The following GBA2 variants were observed in gnomAD, a reference collection of about 807,000 sequenced individuals.
The protein encoded by GBA2 is glucosylceramidase beta 2.
Under a neutral mutation model 112.9 loss-of-function variants are expected in GBA2, and 79 were observed. That is an observed-to-expected ratio of 0.70 (90% CI 0.58 to 0.84). GBA2 has a LOEUF of 0.84. Ranked by LOEUF, GBA2 falls within the 40% of genes least tolerant of loss-of-function variation. The pLI is 0.00. For synonymous variants in GBA2, 403 were observed against 434.3 expected, an observed-to-expected ratio of 0.93 and a Z score of 0.90; for missense variants, 1,043 against 1,190.0, an observed-to-expected ratio of 0.88 and a Z score of 1.82.
intron 15 of GBA2, 26 bp downstream of exon 15, chr9:35,738,011 T>G (rs1235682578): frequency 6.3e-7 from 1 of 1,594,764 alleles, no homozygotes. Context: ...CATTTTTCTC[T>G]CTGGCTGCTC....
At position 35,740,469 on chromosome 9, in the gene GBA2, G is replaced by A; in HGVS notation, c.1129+57C>T. 1 of 1,569,168 alleles carries A rather than the reference G, an allele frequency of 6.4e-7. No individual in the cohort carries two copies. Among genetic ancestry groups the A allele is most frequent in the South Asian group, 1.1e-5 (1 of 89,352 alleles). ...CTTATTACCAGGCCTCCCACCCCTGGTCCCAAGACAGGGACAACCTCTCTT... is the reference window on the plus strand; with the variant it reads ...CTTATTACCAGGCCTCCCACCCCTGATCCCAAGACAGGGACAACCTCTCTT... On this transcript the variant is annotated intron_variant, in intron 6 of 16. Transcript: ENST00000378103. The surrounding 1 kb of genome is among the most constrained non-coding windows in gnomAD (Gnocchi z 4.7).
intron 3 of GBA2, 100 bp downstream of exon 3, chr9:35,744,197 C>T: frequency 1.4e-6 from 1 of 726,050 alleles, no homozygotes; most frequent in Non-Finnish European, 2.5e-6. Flanking sequence ...TAGATTGAAT[C>T]TTATTCACAT....
At chr9:35,738,969 G>A (rs759555580) in intron 11 of GBA2, 33 bp downstream of exon 11, 1 of 1,607,020 alleles carries the variant, frequency 6.2e-7, no homozygotes, top group African/African-American at 1.3e-5. Context: ...CAAAAGTTGA[G>A]GGAGGGAAGC....
In GBA2 at chr9:35,737,025, C is replaced by T. The variant is rs1826246889; in HGVS notation, c.*144G>A. The T allele has an allele frequency of 1.6e-6, 2 of 1,288,110 alleles. No homozygotes were observed. Among genetic ancestry groups the T allele is most frequent in the East Asian group, 4.8e-5 (2 of 42,066 alleles). The allele number at this position is 1,288,110 out of a possible 1,614,324, so 79.8% of individuals were successfully genotyped here. Reference sequence around the variant, plus strand: ...TGCTGCCTAGGTCACCCTCAACCCCCATTTACTGGCACAATTGGGTGGAGA... The same window carrying T: ...TGCTGCCTAGGTCACCCTCAACCCCTATTTACTGGCACAATTGGGTGGAGA... On this transcript the variant is annotated 3_prime_UTR_variant, in exon 17 of 17. Coordinates refer to ENST00000378103, the MANE Select transcript of GBA2 (RefSeq NM_020944.3). This position sits in a 1 kb window ranked among gnomAD's most constrained non-coding sequence, Gnocchi z 4.1.
rs756428994 is a variant in GBA2, at chr9:35,737,745, T to C, written c.2505+3A>G. 1.2e-6 allele frequency: 2 copies of C among 1,613,420 alleles called. No individual in the cohort carries two copies. Among genetic ancestry groups the C allele is most frequent in the Non-Finnish European group, 1.7e-6 (2 of 1,179,402 alleles). The stretch of plus-strand genomic sequence containing the variant: ...TGGAGAGATGGGAAAAGGAGTGCAT[T>C]ACCTCTTGGATCATGGTAGCTGCCA... On this transcript the variant is annotated splice_donor_region_variant and intron_variant, in intron 16 of 16. Transcript: ENST00000378103. The surrounding 1 kb of genome is among the most constrained non-coding windows in gnomAD (Gnocchi z 4.1).
intron 1 of GBA2, among the ~76,000 whole-genome samples, chr9:35,747,134 G>C (rs550829420): frequency 1.3e-5 from 2 of 152,192 alleles, no homozygotes; most frequent in South Asian, 4.2e-4. Flanking sequence ...CAAAAGCCTT[G>C]TATCAGTACC....
At chr9:35,738,960 A>C (rs751630748) in intron 11 of GBA2, 42 bp downstream of exon 11, 46 of 1,608,982 alleles carry the variant, frequency 2.9e-5, no homozygotes, top group Non-Finnish European at 3.8e-5. Context: ...TAGAGGGTGC[A>C]AAAGTTGAGG....
At chr9:35,747,485 T>TCTCCC (rs1055395112) in intron 1 of GBA2, among the ~76,000 whole-genome samples, 2 of 152,094 alleles carry the variant, frequency 1.3e-5, no homozygotes, top group Non-Finnish European at 2.9e-5. Context: ...AGATAACTGA[T>TCTCCC]CTCCCCATCA....
At position 35,737,444 on chromosome 9, in the gene GBA2, G is replaced by C. The variant is rs1161820297; in HGVS notation, c.2509C>G (p.Leu837Val). ...GLAATMIQEG[L>V]TWEGFQTAEG... ...GCTGTCTGGAAGCCCTCCCAAGTCA[G>C]GCCCTGTTGGGAGAGATGACAGTCA... The change falls in exon 17 of 17, where the codon CTG (leucine) becomes GTG (valine). Residue 837 changes from leucine to valine, a missense_variant. Coordinates refer to ENST00000378103, the MANE Select transcript of GBA2 (RefSeq NM_020944.3). This position sits in a 1 kb window ranked among gnomAD's most constrained non-coding sequence, Gnocchi z 4.1. 1.9e-6 allele frequency: 3 copies of C among 1,613,522 alleles called. No individual in the cohort carries two copies. Among genetic ancestry groups the C allele is most frequent in the Admixed American group, 1.7e-5 (1 of 59,918 alleles).
At position 35,739,536 on chromosome 9, in the gene GBA2, C is replaced by G. The variant is rs548706029; in HGVS notation, c.1582+92G>C. The stretch of plus-strand genomic sequence containing the variant: ...ATTGTTACTAGTCCACACCCAACAC[C>G]CCCTCATCCTAACCAATACCCTGGG... On this transcript the variant is annotated intron_variant, in intron 9 of 16. Transcript: ENST00000378103. 7.2e-5 allele frequency: 96 copies of G among 1,331,450 alleles called. 1 individual carries two copies. In the South Asian group the frequency reaches 1.1e-3, roughly 15 times the overall value. The allele number at this position is 1,331,450 out of a possible 1,614,324, so 82.5% of individuals were successfully genotyped here.
rs369520290 is a variant in GBA2 at position 35,740,906 on chromosome 9, G to A, written c.945C>T (p.Ser315=). 1.1e-5 allele frequency: 18 copies of A among 1,613,772 alleles called. No homozygotes were observed. The highest frequency in any genetic ancestry group is 4.0e-5 in the African/African-American group (3 of 74,950). ...LWNEPFCLER[S]GETVRGLLLH... is the part of the protein sequence containing the mutation. ...GGAGCAGCCCCCGGACAGTTTCCCC[G>A]CTACGCTCCAGACAGAAGGGCTCAT... is the stretch of plus-strand genomic sequence containing the variant. The change falls in exon 5 of 17, where the codon AGC becomes AGT. Residue 315 remains serine (S), a synonymous_variant. Transcript: ENST00000378103. This position sits in a 1 kb window ranked among gnomAD's most constrained non-coding sequence, Gnocchi z 4.7.
At position 35,737,219 on chromosome 9, in the gene GBA2, C is replaced by G; in HGVS notation, c.2734G>C (p.Gly912Arg). The change falls in exon 17 of 17, where the codon GGG (glycine) becomes CGG (arginine). Residue 912 changes from glycine (G) to arginine (R), a missense_variant. Transcript: ENST00000378103. The surrounding 1 kb of genome is among the most constrained non-coding windows in gnomAD (Gnocchi z 4.1). ...KVKQGTGLRTGPMFGPKEAMA... is the reference protein window; with the variant it reads ...KVKQGTGLRTRPMFGPKEAMA... Reference sequence around the variant, plus strand: ...GCTTCCTTTGGTCCAAACATAGGCCCTGTCCTTAGTCCTGTGCCCTGTTTG... The same window carrying G: ...GCTTCCTTTGGTCCAAACATAGGCCGTGTCCTTAGTCCTGTGCCCTGTTTG... 3.1e-6 allele frequency: 5 copies of G among 1,612,698 alleles called. No individual in the cohort carries two copies. Among genetic ancestry groups the G allele is most frequent in the Non-Finnish European group, 4.2e-6 (5 of 1,179,996 alleles).
At chr9:35,739,458 T>G in intron 9 of GBA2, 39 bp from the exon 10 acceptor site, 2 of 1,485,696 alleles carry the variant, frequency 1.3e-6, no homozygotes, top group Non-Finnish European at 1.9e-6. Context: ...CCAGAATTCC[T>G]GCTTCCCCTT....
chr9:35,748,824 T>C lies in GBA2; in HGVS notation c.-120A>G. 1.5e-6 allele frequency: 1 copy of C among 657,270 alleles called. No homozygotes were observed. Among genetic ancestry groups the C allele is most frequent in the Non-Finnish European group, 2.6e-6 (1 of 379,172 alleles). 40.7% of individuals were successfully genotyped at this position (657,270 alleles called of 1,614,324 possible). Reference sequence around the variant, plus strand: ...GGAGGGCCGGGCGTTGGGGAAAGCTTAAATGAGCTGGTGTTTCAGTGGAGC... The same window carrying C: ...GGAGGGCCGGGCGTTGGGGAAAGCTCAAATGAGCTGGTGTTTCAGTGGAGC... On this transcript the variant is annotated 5_prime_UTR_variant, in exon 1 of 17. Coordinates refer to ENST00000378103, the MANE Select transcript of GBA2 (RefSeq NM_020944.3).
At position 35,748,914 on chromosome 9, in the gene GBA2, T is replaced by A. The variant is rs1242259132; in HGVS notation, c.-210A>T. 2.0e-6 allele frequency: 1 copy of A among 488,548 alleles called. No homozygotes were observed. The highest frequency in any genetic ancestry group is 3.6e-6 in the Non-Finnish European group (1 of 276,740). The allele number at this position is 488,548 out of a possible 1,614,324, so 30.3% of individuals were successfully genotyped here. ...AAGCCGCCTTGGGCTCTCCTTCGGTTGTCTCTGTAGGTCCTGGACGGGAAG... is the reference window on the plus strand; with the variant it reads ...AAGCCGCCTTGGGCTCTCCTTCGGTAGTCTCTGTAGGTCCTGGACGGGAAG... On this transcript the variant is annotated 5_prime_UTR_variant, in exon 1 of 17. Coordinates refer to ENST00000378103, the MANE Select transcript of GBA2 (RefSeq NM_020944.3).
At chr9:35,742,881 A>C (rs371292711) in intron 3 of GBA2, among the ~76,000 whole-genome samples, 140 of 152,306 alleles carry the variant, frequency 9.2e-4, no homozygotes, top group African/African-American at 3.3e-3. Context: ...TGGGCTCTCC[A>C]TATCTGTGAG....
rs572827451 is a variant in GBA2, at chr9:35,740,682, G to A, written c.1027-54C>T. 8.5e-6 allele frequency: 13 copies of A among 1,527,642 alleles called. No individual in the cohort carries two copies. The highest frequency in any genetic ancestry group is 5.5e-5 in the African/African-American group (4 of 73,268). 94.6% of individuals were successfully genotyped at this position (1,527,642 alleles called of 1,614,324 possible). A position where few individuals can be genotyped will look rare whatever the true frequency, so the allele number is the denominator to read the frequency against. On this transcript the variant is annotated intron_variant, in intron 5 of 16. Transcript: ENST00000378103. The surrounding 1 kb of genome is among the most constrained non-coding windows in gnomAD (Gnocchi z 4.7). ...AGGCTCCACGAGTACACTGGGTCCCGGCTAGCTCCCCAGCTCCTCTTACTT... is the reference window on the plus strand; with the variant it reads ...AGGCTCCACGAGTACACTGGGTCCCAGCTAGCTCCCCAGCTCCTCTTACTT...
Position 35,748,251 on chromosome 9 carries a change from C to G in GBA2, c.359+95G>C, listed in dbSNP as rs1056617987. ...GGGACCGCTTCACTCAGACAAGAAG[C>G]CCAACTGCTTTCTTGCCCTTTCCCA... On this transcript the variant is annotated intron_variant, in intron 1 of 16. Coordinates refer to ENST00000378103, the MANE Select transcript of GBA2 (RefSeq NM_020944.3). 5 of 777,924 alleles carry G rather than the reference C, an allele frequency of 6.4e-6. No individual in the cohort carries two copies. The Admixed American group carries it at 1.2e-4, about 18-fold the overall frequency. The allele number at this position is 777,924 out of a possible 1,614,324, so 48.2% of individuals were successfully genotyped here. A position where few individuals can be genotyped will look rare whatever the true frequency, so the allele number is the denominator to read the frequency against.
chr9:35,740,234 C>T lies in GBA2; in HGVS notation c.1258G>A (p.Gly420Arg), dbSNP rs961026469. ...LAWDMPRIMF[G>R]AKGQVHYRRY... ...CTGTAGTGGACTTGGCCTTTAGCTC[C>T]AAACATGATCCTGGGCATGTCCCAA... The change falls in exon 7 of 17, where the codon GGA becomes AGA. Residue 420 changes from glycine (G) to arginine (R), a missense_variant. By Grantham distance (125) the Gly-to-Arg change is moderately radical (BLOSUM62 -2). Transcript: ENST00000378103. The surrounding 1 kb of genome is among the most constrained non-coding windows in gnomAD (Gnocchi z 4.7). 6.2e-7 allele frequency: 1 copy of T among 1,614,002 alleles called. No homozygotes were observed.
Sources: gnomAD v4.1 joint callset for allele counts (sites outside exome capture counted in the v4.1 genomes callset) on GRCh38, gnomAD v4.1.1 for gene constraint, Gnocchi (gnomAD v3.1) non-coding constraint, MANE v1.5 for transcripts, NCBI Gene and HGNC (gene_info 2026-07-23, HGNC 2026-07-21) for gene names.